PAK5: variants seen among roughly 807,000 people sequenced by gnomAD.
PAK5 encodes p21 (RAC1) activated kinase 5, also known as serine/threonine-protein kinase PAK 5.
A neutral mutation model predicts 65.9 loss-of-function variants in PAK5; 16 were observed. The observed-to-expected ratio is 0.24, with a 90% CI of 0.16 to 0.37. PAK5 has a LOEUF of 0.37. PAK5 is among the 10% of genes least tolerant of loss of function. PAK5 has a pLI of 1.00. For missense variants in PAK5, 785 were observed against 903.9 expected (o/e 0.87, Z 1.69); for synonymous variants, 371 against 354.9 (o/e 1.05, Z -0.51).
intron 1 of PAK5, among the ~76,000 whole-genome samples, chr20:9,828,559 C>T (rs1978461378): frequency 6.6e-6 from 1 of 152,166 alleles, no homozygotes; most frequent in Admixed American, 6.5e-5. Context: ...AGAAAGTTCA[C>T]TTCCTGGGTC....
chr20:9,747,934 A>T (rs4816170), intron 1 of PAK5, among the ~76,000 whole-genome samples: 33,672 of 151,376 alleles, frequency 0.22, 3,846 homozygotes, highest in East Asian at 0.3. Flanking sequence ...TATCTAGAAA[A>T]CCCCATCGTC....
intron 3 of PAK5, among the ~76,000 whole-genome samples, chr20:9,585,863 T>C (rs1167150966): frequency 1.3e-5 from 2 of 152,086 alleles, no homozygotes; most frequent in Non-Finnish European, 2.9e-5. Flanking sequence ...AAGAAAAGCA[T>C]GAAGATTATT....
intron 1 of PAK5, among the ~76,000 whole-genome samples, chr20:9,801,232 G>A (rs1163320598): frequency 6.6e-6 from 1 of 152,032 alleles, no homozygotes; most frequent in African/African-American, 2.4e-5. Context: ...TAACCTACAA[G>A]GAGAAAAGGG....
intron 1 of PAK5, among the ~76,000 whole-genome samples, chr20:9,753,677 C>A (rs1399596942): frequency 6.6e-6 from 1 of 152,116 alleles, no homozygotes; most frequent in African/African-American, 2.4e-5. Context: ...AAATCCTAAT[C>A]AAAAAGCTAA....
Position 9,823,010 on chromosome 20 carries a change from A to T in PAK5, c.-162+15752T>A, listed in dbSNP as rs150942458. On this transcript the variant is annotated intron_variant, in intron 1 of 9. Transcript: ENST00000353224. ...TGTCCCTCTGAAATTCACATGTTGG[A>T]ACTTAAACCTGAAGGTAAAAATACT... Among the ~76,000 whole-genome samples, 252 of 152,338 alleles carry T rather than the reference A, an allele frequency of 1.7e-3. 1 individual carries two copies. Among genetic ancestry groups the T allele is most frequent in the African/African-American group, 5.3e-3 (221 of 41,574 alleles).
chr20:9,600,369 C>T (rs200034547), intron 3 of PAK5, among the ~76,000 whole-genome samples: 2 of 152,164 alleles, frequency 1.3e-5, no homozygotes, highest in East Asian at 3.9e-4. Flanking sequence ...GGATGGTTTT[C>T]CTATTTCTGT....
At chr20:9,575,186 C>T (rs2045864600) in intron 4 of PAK5, among the ~76,000 whole-genome samples, 1 of 146,910 alleles carries the variant, frequency 6.8e-6, no homozygotes. Flanking sequence ...CTTTTCTTCC[C>T]ATCCTTTTTG....
intron 1 of PAK5, among the ~76,000 whole-genome samples, chr20:9,734,552 G>GCACACA (rs56706449): frequency 0.2 from 29,954 of 149,318 alleles, 3,123 homozygotes; most frequent in East Asian, 0.31. Flanking sequence ...ACGCGCACAT[G>GCACACA]CACACACACA....
intron 4 of PAK5, among the ~76,000 whole-genome samples, chr20:9,567,704 A>T (rs908410002): frequency 6.6e-6 from 1 of 152,376 alleles, no homozygotes; most frequent in African/African-American, 2.4e-5. Context: ...ACCAACAGTC[A>T]AAATGAATGA....
intron 1 of PAK5, among the ~76,000 whole-genome samples, chr20:9,762,415 G>A (rs1353513252): frequency 6.6e-6 from 1 of 151,972 alleles, no homozygotes; most frequent in African/African-American, 2.4e-5. Flanking sequence ...CAACTCAATA[G>A]CAAATAAAAT....
intron 1 of PAK5, among the ~76,000 whole-genome samples, chr20:9,729,571 T>C (rs1406157504): frequency 1.3e-5 from 2 of 152,190 alleles, no homozygotes; most frequent in Non-Finnish European, 2.9e-5. Flanking sequence ...AGTGAGACTT[T>C]AGGGAAAGCT....
intron 3 of PAK5, among the ~76,000 whole-genome samples, chr20:9,594,332 C>T (rs1252214421): frequency 6.6e-6 from 1 of 152,174 alleles, no homozygotes; most frequent in Non-Finnish European, 1.5e-5. Flanking sequence ...GTCTGGACAG[C>T]ACTGGTCAAC....
chr20:9,707,478 T>C (rs182919054), intron 2 of PAK5, among the ~76,000 whole-genome samples: 4 of 152,344 alleles, frequency 2.6e-5, no homozygotes, highest in East Asian at 1.9e-4. Context: ...TTTATTCAGA[T>C]GTTTTCTTCC....
chr20:9,722,612 C>T (rs1283460204), intron 1 of PAK5, among the ~76,000 whole-genome samples: 11 of 151,830 alleles, frequency 7.2e-5, no homozygotes, highest in African/African-American at 2.7e-4. Context: ...GACTCCGTCT[C>T]AAATAAATAA....
At chr20:9,656,941 C>T (rs916046300) in intron 2 of PAK5, among the ~76,000 whole-genome samples, 1 of 152,200 alleles carries the variant, frequency 6.6e-6, no homozygotes, top group African/African-American at 2.4e-5. Context: ...GTACACTTTA[C>T]TTGAATTGTA....
intron 3 of PAK5, among the ~76,000 whole-genome samples, chr20:9,633,772 A>G (rs1293232986): frequency 6.6e-6 from 1 of 152,190 alleles, no homozygotes; most frequent in African/African-American, 2.4e-5. Context: ...CCCAGGAGTT[A>G]CAGTAGGGGA....
At chr20:9,554,302 A>C (rs1301302965) in intron 7 of PAK5, among the ~76,000 whole-genome samples, 3 of 152,172 alleles carry the variant, frequency 2.0e-5, no homozygotes, top group African/African-American at 7.2e-5. Context: ...AGGTTATAAA[A>C]ATGCCATGCA....
At chr20:9,780,806 C>T (rs1024651481) in intron 1 of PAK5, among the ~76,000 whole-genome samples, 1 of 152,048 alleles carries the variant, frequency 6.6e-6, no homozygotes, top group Non-Finnish European at 1.5e-5. Context: ...ATTTAACTTG[C>T]TTTGAGTGTG....
intron 3 of PAK5, among the ~76,000 whole-genome samples, chr20:9,643,612 ATATT>A (rs2047096504): frequency 2.0e-5 from 3 of 152,186 alleles, no homozygotes; most frequent in Admixed American, 2.0e-4. Flanking sequence ...ATATACACAC[ATATT>A]TATTTGATTA....
Sources: gnomAD v4.1 joint callset for allele counts (sites outside exome capture counted in the v4.1 genomes callset) on GRCh38, gnomAD v4.1.1 for gene constraint, MANE v1.5 for transcripts, NCBI Gene and HGNC (gene_info 2026-07-23, HGNC 2026-07-21) for gene names.